Variants in STPG2 observed in about 807,000 individuals in gnomAD.
STPG2 encodes the protein sperm-tail PG-rich repeat-containing protein 2.
In STPG2, 56 loss-of-function variants were observed where a neutral mutation model predicts 54.2. The ratio of observed to expected loss-of-function variants is 1.03; its 90% CI spans 0.83 to 1.29. The LOEUF (loss-of-function observed/expected upper bound fraction) is 1.29, where lower values mean the gene tolerates loss of function less well. Ranked by LOEUF, STPG2 falls within the 50% of genes most tolerant of loss-of-function variation. The pLI, the probability that STPG2 is intolerant of heterozygous loss-of-function variation, is 0.00. For synonymous variants in STPG2, 200 were observed against 181.8 expected, an observed-to-expected ratio of 1.10 and a Z score of -0.81; for missense variants, 596 against 544.9, an observed-to-expected ratio of 1.09 and a Z score of -0.93.
intron 9 of STPG2, among the ~76,000 whole-genome samples, chr4:97,727,411 C>T (rs567666081): frequency 6.6e-6 from 1 of 151,836 alleles, no homozygotes; most frequent in East Asian, 1.9e-4. Flanking sequence ...GATATGTTTA[C>T]TATATGAATA....
intron 3 of STPG2, among the ~76,000 whole-genome samples, chr4:98,113,865 G>A (rs1419151941): frequency 6.6e-6 from 1 of 151,956 alleles, no homozygotes; most frequent in Non-Finnish European, 1.5e-5. Context: ...AACACAAAAG[G>A]AAATAAGGGA....
At chr4:97,918,614 C>A (rs963804700) in intron 8 of STPG2, among the ~76,000 whole-genome samples, 3 of 151,854 alleles carry the variant, frequency 2.0e-5, no homozygotes, top group Non-Finnish European at 4.4e-5. Flanking sequence ...CACATACACA[C>A]CATGGAATAC....
chr4:97,580,588 G>T (rs1418891780), intron 10 of STPG2, among the ~76,000 whole-genome samples: 2 of 151,222 alleles, frequency 1.3e-5, no homozygotes, highest in African/African-American at 2.4e-5. Flanking sequence ...CACACAAAGA[G>T]AATTATTTAA....
At chr4:97,543,923 A>T (rs920401140) in intron 4 of STPG2, among the ~76,000 whole-genome samples, 2 of 152,064 alleles carry the variant, frequency 1.3e-5, no homozygotes, top group African/African-American at 4.8e-5. Context: ...CTCTTGACAC[A>T]TGTAATCTAC....
chr4:97,674,040 G>C (rs1722771360), intron 10 of STPG2, among the ~76,000 whole-genome samples: 1 of 152,062 alleles, frequency 6.6e-6, no homozygotes, highest in Admixed American at 6.6e-5. Context: ...TTCAAGTCTA[G>C]ACTGAAATAT....
chr4:97,760,983 T>C lies in STPG2; in HGVS notation c.1205-48169A>G, dbSNP rs190002511. Reference sequence around the variant, plus strand: ...AAGCCAGCAGTGGCAGGTTGAGTCTTTCTCACAATGCATCACTCTGGCTCT... The same window carrying C: ...AAGCCAGCAGTGGCAGGTTGAGTCTCTCTCACAATGCATCACTCTGGCTCT... On this transcript the variant is annotated intron_variant, in intron 9 of 10. Transcript: ENST00000295268. Among the ~76,000 whole-genome samples the C allele has an allele frequency of 1.8e-3, 276 of 152,240 alleles. 2 individuals carry two copies. The highest frequency in any genetic ancestry group is 0.014 in the East Asian group (70 of 5,180).
chr4:97,848,200 A>G (rs547693740), intron 8 of STPG2, among the ~76,000 whole-genome samples: 2 of 152,336 alleles, frequency 1.3e-5, no homozygotes, highest in African/African-American at 2.4e-5. Context: ...TTCATTAAGC[A>G]TTCTTGAGAA....
At chr4:97,971,211 T>C (rs1734312755) in intron 7 of STPG2, among the ~76,000 whole-genome samples, 1 of 152,200 alleles carries the variant, frequency 6.6e-6, no homozygotes, top group Admixed American at 6.5e-5. Context: ...GGTGGGAGTG[T>C]AAATTAGTTA....
chr4:98,105,698 A>G (rs13144055), intron 5 of STPG2, among the ~76,000 whole-genome samples: 41,988 of 151,820 alleles, frequency 0.28, 6,058 homozygotes, highest in Middle Eastern at 0.35. Context: ...TTTGTGTTCT[A>G]CCCTTTGTTT....
At chr4:97,956,183 G>T (rs1359261479) in intron 7 of STPG2, among the ~76,000 whole-genome samples, 2 of 152,122 alleles carry the variant, frequency 1.3e-5, no homozygotes, top group African/African-American at 4.8e-5. Flanking sequence ...AATGTTCTGA[G>T]TCAGTCTTAT....
At chr4:97,916,357 A>C (rs1371700448) in intron 8 of STPG2, 1 of 152,582 alleles carries the variant, frequency 6.6e-6, no homozygotes, top group African/African-American at 2.4e-5. Flanking sequence ...GATTTATTTA[A>C]CAGCAAGAAG....
At chr4:97,570,384 G>T (rs1156634523) in intron 10 of STPG2, among the ~76,000 whole-genome samples, 1 of 151,996 alleles carries the variant, frequency 6.6e-6, no homozygotes, top group East Asian at 1.9e-4. Flanking sequence ...GGGAAGTCAG[G>T]ATTTTCTTCC....
At chr4:97,571,805 G>T (rs781254539) in intron 10 of STPG2, among the ~76,000 whole-genome samples, 1 of 152,090 alleles carries the variant, frequency 6.6e-6, no homozygotes, top group Non-Finnish European at 1.5e-5. Context: ...ATGGGCCATG[G>T]TCATTCATAT....
chr4:98,039,844 T>A (rs1009545975), intron 5 of STPG2, among the ~76,000 whole-genome samples: 1 of 151,790 alleles, frequency 6.6e-6, no homozygotes, highest in East Asian at 1.9e-4. Context: ...TATCTAGTAG[T>A]GGGATTGCTG....
At chr4:98,130,580 G>A (rs1191787351) in intron 2 of STPG2, among the ~76,000 whole-genome samples, 1 of 152,030 alleles carries the variant, frequency 6.6e-6, no homozygotes, top group East Asian at 1.9e-4. Flanking sequence ...CCATTGAACG[G>A]CTTTCCCTCC....
chr4:97,517,791 G>A (rs942093767), intron 4 of STPG2, among the ~76,000 whole-genome samples: 2 of 151,996 alleles, frequency 1.3e-5, no homozygotes, highest in African/African-American at 4.8e-5. Context: ...TAACTTAAAA[G>A]ACTCAACCCA....
At chr4:97,756,496 G>A (rs1387634767) in intron 9 of STPG2, among the ~76,000 whole-genome samples, 1 of 151,812 alleles carries the variant, frequency 6.6e-6, no homozygotes, top group African/African-American at 2.4e-5. Context: ...TAATTTTTTT[G>A]TATTTTTTTA....
At chr4:98,119,796 G>A (rs1344645508) in intron 3 of STPG2, among the ~76,000 whole-genome samples, 1 of 151,908 alleles carries the variant, frequency 6.6e-6, no homozygotes, top group African/African-American at 2.4e-5. Flanking sequence ...GTGCCCATGT[G>A]CTCTCATCAT....
intron 8 of STPG2, among the ~76,000 whole-genome samples, chr4:97,861,848 A>C (rs1313056715): frequency 1.3e-5 from 2 of 152,132 alleles, no homozygotes; most frequent in African/African-American, 2.4e-5. Context: ...GGAGAAATAA[A>C]ATCCTTTACA....
Sources: allele counts gnomAD v4.1 joint callset (sites outside exome capture counted in the v4.1 genomes callset), GRCh38; gene constraint gnomAD v4.1.1; transcripts MANE v1.5; gene names NCBI Gene and HGNC (gene_info 2026-07-23, HGNC 2026-07-21).